Variants in CEP290 observed in about 807,000 individuals in gnomAD.
CEP290 encodes centrosomal protein 290, also known as centrosomal protein of 290 kDa.
CEP290 carries 317 observed loss-of-function variants against 344.9 expected under a neutral mutation model. The ratio of observed to expected loss-of-function variants is 0.92; its 90% CI spans 0.84 to 1.01. CEP290 has a LOEUF of 1.01. Among genes scored for constraint, CEP290 ranks in the 50% least tolerant of loss-of-function variants. The pLI, the probability that CEP290 is intolerant of heterozygous loss-of-function variation, is 0.00. For missense variants in CEP290, 2,754 were observed against 2,761.4 expected (o/e 1.00, Z 0.06); for synonymous variants, 932 against 895.8 (o/e 1.04, Z -0.72).
Position 88,122,674 on chromosome 12 carries a change from T to A in CEP290, c.1190-1508A>T, listed in dbSNP as rs965009227. Among the ~76,000 whole-genome samples the A allele has an allele frequency of 7.2e-5, 11 of 152,268 alleles. 1 individual carries two copies. The highest frequency in any genetic ancestry group is 2.6e-4 in the African/African-American group (11 of 41,562). On this transcript the variant is annotated intron_variant, in intron 13 of 53. Transcript: ENST00000552810. ...TTCCTTATTTGACAGCAGAGATCAA[T>A]TGCCACTTTTTCTCCTAGTAATTAG...
intron 42 of CEP290, 145 bp from the exon 43 acceptor site, chr12:88,071,594 A>G (rs2035380502): frequency 1.2e-6 from 1 of 851,040 alleles, no homozygotes; most frequent in Non-Finnish European, 1.7e-6. Context: ...AGGAAAATCC[A>G]TCTATAATTG....
In CEP290 at chr12:88,091,570, G is replaced by C. The variant is rs138406917; in HGVS notation, c.3462-731C>G. Among the ~76,000 whole-genome samples the C allele has an allele frequency of 2.5e-4, 38 of 152,176 alleles. No homozygotes were observed. The East Asian group carries it at 6.0e-3, about 24-fold the overall frequency. ...AAGGCAGGTTTCCTCATACTGATGA[G>C]AGGCTCTCATTGCCAGTTGCATGAT... On this transcript the variant is annotated intron_variant, in intron 29 of 53. Coordinates refer to ENST00000552810, the MANE Select transcript of CEP290 (RefSeq NM_025114.4).
chr12:88,055,761 A>G (rs1256216311), intron 49 of CEP290, 44 bp from the exon 50 acceptor site: 1 of 1,292,502 alleles, frequency 7.7e-7, no homozygotes, highest in Non-Finnish European at 1.0e-6. Flanking sequence ...CAAATAATTT[A>G]TGTCACTGAT....
chr12:88,138,086 A>T (rs916428977), intron 5 of CEP290, among the ~76,000 whole-genome samples: 1 of 152,076 alleles, frequency 6.6e-6, no homozygotes, highest in African/African-American at 2.4e-5. Flanking sequence ...CCACACCCAC[A>T]TCAGATCCTT....
chr12:88,088,907 G>T (rs1017424026), intron 31 of CEP290, 125 bp downstream of exon 31: 9 of 551,504 alleles, frequency 1.6e-5, no homozygotes, highest in Admixed American at 1.1e-4. Flanking sequence ...AACTACTCAG[G>T]AGGCTGAGGC....
rs371416467 is a variant in CEP290, at chr12:88,080,419, G to A, written c.5013-24C>T. ...GCCTGATGTAAATAAACATATGTGT[G>A]TGTGTGTTTTTTAATTTTTAATTTT... On this transcript the variant is annotated intron_variant, in intron 37 of 53. Coordinates refer to ENST00000552810, the MANE Select transcript of CEP290 (RefSeq NM_025114.4). 1.4e-5 allele frequency: 21 copies of A among 1,535,740 alleles called. No individual in the cohort carries two copies. The African/African-American group carries it at 2.9e-4, about 21-fold the overall frequency.
chr12:88,071,943 G>C lies in CEP290; in HGVS notation c.5710-17C>G. ...TTTAGCATTCTGTAACAATAACGAA[G>C]GAGGTAGGAAAATTACCAGTGTTAT... On this transcript the variant is annotated splice_polypyrimidine_tract_variant and intron_variant, in intron 41 of 53. Coordinates refer to ENST00000552810, the MANE Select transcript of CEP290 (RefSeq NM_025114.4). 6.4e-7 allele frequency: 1 copy of C among 1,553,176 alleles called. No homozygotes were observed. Among genetic ancestry groups the C allele is most frequent in the Non-Finnish European group, 8.6e-7 (1 of 1,156,274 alleles).
At chr12:88,122,910 C>T (rs1219503067) in intron 13 of CEP290, among the ~76,000 whole-genome samples, 1 of 152,082 alleles carries the variant, frequency 6.6e-6, no homozygotes, top group Non-Finnish European at 1.5e-5. Flanking sequence ...TCTCCTCAAA[C>T]TTATGAAACA....
At chr12:88,094,849 C>T (rs1401669466) in intron 27 of CEP290, among the ~76,000 whole-genome samples, 1 of 151,974 alleles carries the variant, frequency 6.6e-6, no homozygotes, top group Non-Finnish European at 1.5e-5. Context: ...ACCAATAATG[C>T]CCCCTCCTGT....
At position 88,107,404 on chromosome 12, in the gene CEP290, A is replaced by AATAATAATTGAACACAG. The variant is rs1187697462; in HGVS notation, c.2484-307_2484-306insCTGTGTTCAATTATTAT. 6.5e-4 allele frequency among the ~76,000 whole-genome samples: 99 copies of AATAATAATTGAACACAG among 152,242 alleles called. 1 individual carries two copies. Among genetic ancestry groups the AATAATAATTGAACACAG allele is most frequent in the African/African-American group, 2.4e-3 (99 of 41,558 alleles). ...TATAAACATTTTATTGAACACAGAA[A>AATAATAATTGAACACAG]AAAAGTAGGAAAATAATACCCTATA... On this transcript the variant is annotated intron_variant, in intron 23 of 53. Coordinates refer to ENST00000552810, the MANE Select transcript of CEP290 (RefSeq NM_025114.4).
chr12:88,103,841 CTAAGT>C (rs1346709217), intron 25 of CEP290: 7 of 152,052 alleles, frequency 4.6e-5, no homozygotes, highest in African/African-American at 1.7e-4. Flanking sequence ...TCTTCTCCAT[CTAAGT>C]TAAGTACACA....
In CEP290 at chr12:88,102,895, G is replaced by A. The variant is rs2038000673; in HGVS notation, c.2934C>T (p.Asp978=). 1 of 1,611,168 alleles carries A rather than the reference G, an allele frequency of 6.2e-7. No homozygotes were observed. The highest frequency in any genetic ancestry group is 8.5e-7 in the Non-Finnish European group (1 of 1,178,672). Residue 978 remains aspartate, a synonymous_variant, in exon 26 of 54, where the codon GAC becomes GAT. Coordinates refer to ENST00000552810, the MANE Select transcript of CEP290 (RefSeq NM_025114.4). ...QYNELTAKYR[D]ILQKDNMLVQ... is the part of the protein sequence containing the mutation. The stretch of plus-strand genomic sequence containing the variant: ...CAAGCATATTATCTTTTTGCAAGAT[G>A]TCCCTGTACTTAGCAGTCAGTTCAT...
At chr12:88,099,460 T>C (rs1437835522) in intron 26 of CEP290, among the ~76,000 whole-genome samples, 1 of 152,186 alleles carries the variant, frequency 6.6e-6, no homozygotes, top group African/African-American at 2.4e-5. Flanking sequence ...AGTTCCTTTA[T>C]TTTTTATTTG....
At chr12:88,109,538 A>G (rs2038530240) in intron 22 of CEP290, among the ~76,000 whole-genome samples, 1 of 152,202 alleles carries the variant, frequency 6.6e-6, no homozygotes, top group African/African-American at 2.4e-5. Context: ...CATTTTAAAG[A>G]TGAAATTGAA....
intron 27 of CEP290, 52 bp downstream of exon 27, chr12:88,096,836 T>C: frequency 1.1e-6 from 1 of 880,448 alleles, no homozygotes; most frequent in Non-Finnish European, 1.7e-6. Context: ...AAATAAGAAA[T>C]ATTCATTATT....
chr12:88,120,251 A>G lies in CEP290; in HGVS notation c.1385T>C (p.Val462Ala). The G allele has an allele frequency of 8.2e-6, 12 of 1,466,360 alleles. No individual in the cohort carries two copies. The highest frequency in any genetic ancestry group is 1.0e-5 in the Non-Finnish European group (11 of 1,087,658). 90.8% of individuals were successfully genotyped at this position (1,466,360 alleles called of 1,614,324 possible). A position where few individuals can be genotyped will look rare whatever the true frequency, so the allele number is the denominator to read the frequency against. ...GTTTTTACAATTCTTTATTTCAACGACAGCATCTTCTAAACCATATACTCC... is the reference window on the plus strand; with the variant it reads ...GTTTTTACAATTCTTTATTTCAACGGCAGCATCTTCTAAACCATATACTCC... ...ESGVYGLEDA[V>A]VEIKNCKNQI... is the part of the protein sequence containing the mutation. The change falls in exon 15 of 54, where the codon GTC (valine) becomes GCC (alanine). Residue 462 changes from valine (V) to alanine (A), a missense_variant. Physicochemically the swap from Val to Ala is moderately conservative, Grantham distance 64 (BLOSUM62 0). Coordinates refer to ENST00000552810, the MANE Select transcript of CEP290 (RefSeq NM_025114.4).
At chr12:88,085,711 A>G (rs2036526687) in intron 34 of CEP290, among the ~76,000 whole-genome samples, 1 of 152,140 alleles carries the variant, frequency 6.6e-6, no homozygotes, top group African/African-American at 2.4e-5. Context: ...ATTATGTAAC[A>G]TGCACTTCAA....
chr12:88,106,245 G>A (rs2038268332), intron 25 of CEP290, among the ~76,000 whole-genome samples: 1 of 152,028 alleles, frequency 6.6e-6, no homozygotes, highest in Admixed American at 6.6e-5. Context: ...CAAGTAAAAT[G>A]ACACACACAC....
chr12:88,116,540 T>A lies in CEP290; in HGVS notation c.1824+493A>T, dbSNP rs78787888. 6.8e-3 allele frequency among the ~76,000 whole-genome samples: 1,042 copies of A among 152,312 alleles called. 17 individuals carry two copies. The highest frequency in any genetic ancestry group is 0.024 in the African/African-American group (1,003 of 41,566). ...CTTTATCTGAACTCCTAATCTGTATTCAGAGTAAATAATGTCTCATTAATC... is the reference window on the plus strand; with the variant it reads ...CTTTATCTGAACTCCTAATCTGTATACAGAGTAAATAATGTCTCATTAATC... On this transcript the variant is annotated intron_variant, in intron 18 of 53. Coordinates refer to ENST00000552810, the MANE Select transcript of CEP290 (RefSeq NM_025114.4).
Sources: gnomAD v4.1 joint callset for allele counts (sites outside exome capture counted in the v4.1 genomes callset) on GRCh38, gnomAD v4.1.1 for gene constraint, MANE v1.5 for transcripts, NCBI Gene and HGNC (gene_info 2026-07-23, HGNC 2026-07-21) for gene names.